RETREG3: variants seen among roughly 807,000 people sequenced by gnomAD.
RETREG3 encodes reticulophagy regulator 3.
In RETREG3, 23 loss-of-function variants were observed where a neutral mutation model predicts 50.2. That is an observed-to-expected ratio of 0.46 (90% CI 0.33 to 0.65). RETREG3 has a LOEUF of 0.65. RETREG3 is among the 30% of genes least tolerant of loss of function. The pLI is 0.02. For missense variants in RETREG3, 546 were observed against 598.0 expected, an observed-to-expected ratio of 0.91 and a Z score of 0.91; for synonymous variants, 240 against 234.4, an observed-to-expected ratio of 1.02 and a Z score of -0.22.
chr17:42,593,436 T>C (rs1597737110), intron 1 of RETREG3, among the ~76,000 whole-genome samples: 1 of 151,498 alleles, frequency 6.6e-6, no homozygotes, highest in Non-Finnish European at 1.5e-5. Flanking sequence ...GATCTTGAGG[T>C]CAGGAGATCG....
At chr17:42,597,613 ATATATATTTTTTTTTTTT>A (rs1567925531) in intron 1 of RETREG3, among the ~76,000 whole-genome samples, 16,907 of 53,504 alleles carry the variant, frequency 0.32, 2,330 homozygotes, top group Admixed American at 0.41. Flanking sequence ...ATATATATAT[ATATATATTTTTTTTTTTT>A]TTTTTTTTTT....
chr17:42,601,489 C>T (rs2093158333), intron 1 of RETREG3, among the ~76,000 whole-genome samples: 4 of 147,962 alleles, frequency 2.7e-5, no homozygotes, highest in South Asian at 2.2e-4. Context: ...AGGAGAATGG[C>T]GTGAACCTGA....
intron 3 of RETREG3, 123 bp downstream of exon 3, chr17:42,587,711 T>G: frequency 8.5e-7 from 1 of 1,179,974 alleles, no homozygotes; most frequent in Non-Finnish European, 1.3e-6. Context: ...AATGATCATT[T>G]GGAACAGCCT....
At chr17:42,596,395 A>G (rs1348959462) in intron 1 of RETREG3, 17 of 114,736 alleles carry the variant, frequency 1.5e-4, no homozygotes, top group African/African-American at 5.1e-4. Context: ...AAAAAAAAAA[A>G]AAAAGAAATA....
At chr17:42,601,693 C>CG (rs2093159016) in intron 1 of RETREG3, among the ~76,000 whole-genome samples, 1 of 115,820 alleles carries the variant, frequency 8.6e-6, no homozygotes, top group South Asian at 3.2e-4. Flanking sequence ...AGTGCAGTGG[C>CG]GCGATCTCGG....
At chr17:42,585,439 G>A (rs1216985401) in intron 5 of RETREG3, among the ~76,000 whole-genome samples, 177 bp from the exon 6 acceptor site, 1 of 152,222 alleles carries the variant, frequency 6.6e-6, no homozygotes, top group East Asian at 1.9e-4. Context: ...TTTGAGGGCA[G>A]GGACTTCTAC....
At chr17:42,603,617 G>A (rs533691980) in intron 1 of RETREG3, among the ~76,000 whole-genome samples, 2 of 152,230 alleles carry the variant, frequency 1.3e-5, no homozygotes, top group East Asian at 1.9e-4. Context: ...GAGTCTTCTC[G>A]GCTCACAAAG....
intron 2 of RETREG3, 91 bp downstream of exon 2, chr17:42,591,965 T>C: frequency 8.8e-7 from 1 of 1,132,252 alleles, no homozygotes; most frequent in Non-Finnish European, 1.3e-6. Context: ...CCCAGCTCCA[T>C]ACACCTCCTC....
chr17:42,582,558 C>A, intron 8 of RETREG3, 116 bp downstream of exon 8: 1 of 1,483,342 alleles, frequency 6.7e-7, no homozygotes, highest in Non-Finnish European at 9.1e-7. Context: ...TGCTCTGCCG[C>A]CTGATCCATA....
rs758386858 is a variant in RETREG3, at chr17:42,582,302, C to G, written c.944-32G>C. ...GAATACAGAAGTGTCTGAGTCATGG[C>G]ACCTACCTGGCCCTCCTGTGCCCCA... On this transcript the variant is annotated intron_variant, in intron 8 of 8. Transcript: ENST00000309428. 4 of 1,570,428 alleles carry G rather than the reference C, an allele frequency of 2.5e-6. No homozygotes were observed. The East Asian group carries it at 9.0e-5, about 35-fold the overall frequency.
At chr17:42,586,927 G>T (rs1374722971) in intron 3 of RETREG3, 36 bp from the exon 4 acceptor site, 2 of 1,608,244 alleles carry the variant, frequency 1.2e-6, no homozygotes, top group Admixed American at 3.4e-5. Flanking sequence ...TGAAAGGAGG[G>T]TGTTGAGGGT....
At chr17:42,607,291 G>C (rs1485242996) in intron 1 of RETREG3, among the ~76,000 whole-genome samples, 1 of 151,634 alleles carries the variant, frequency 6.6e-6, no homozygotes, top group Non-Finnish European at 1.5e-5. Context: ...CAGAGCCTAG[G>C]AGTTCGAGAC....
At chr17:42,595,431 T>G (rs1178682762) in intron 1 of RETREG3, among the ~76,000 whole-genome samples, 1 of 151,484 alleles carries the variant, frequency 6.6e-6, no homozygotes, top group African/African-American at 2.4e-5. Flanking sequence ...AGTCTTGCTC[T>G]TGTGACCCAG....
At position 42,585,133 on chromosome 17, in the gene RETREG3, T is replaced by G. The variant is rs2093118719; in HGVS notation, c.719A>C (p.Glu240Ala). The G allele has an allele frequency of 6.2e-7, 1 of 1,613,156 alleles. No individual in the cohort carries two copies. Among genetic ancestry groups the G allele is most frequent in the Non-Finnish European group, 8.5e-7 (1 of 1,180,002 alleles). ...VRGYMMSKQR[E>A]RQLRRRALHP... ...GACACCATGACACTTACATTGTCTC[T>G]CTCTCTGCTTGGACATCATGTAGCC... The change falls in exon 6 of 9, where the codon GAG becomes GCG. Residue 240 changes from glutamate (E) to alanine (A), a missense_variant. Transcript: ENST00000309428.
intron 3 of RETREG3, among the ~76,000 whole-genome samples, chr17:42,587,131 G>T (rs900211039): frequency 6.6e-6 from 1 of 152,196 alleles, no homozygotes; most frequent in Non-Finnish European, 1.5e-5. Flanking sequence ...CAATCCACGT[G>T]TGTAAACCTG....
At chr17:42,589,502 G>A (rs1218435152) in intron 2 of RETREG3, among the ~76,000 whole-genome samples, 3 of 152,112 alleles carry the variant, frequency 2.0e-5, no homozygotes, top group African/African-American at 7.2e-5. Flanking sequence ...GTGCGATCAC[G>A]GCTCACTGCA....
intron 1 of RETREG3, among the ~76,000 whole-genome samples, chr17:42,596,933 C>T (rs1038637421): frequency 1.3e-5 from 2 of 149,572 alleles, no homozygotes; most frequent in African/African-American, 4.9e-5. Context: ...AGTGCAATGG[C>T]GCCATCTTGG....
intron 4 of RETREG3, 111 bp downstream of exon 4, chr17:42,586,654 A>G (rs1407026648): frequency 3.0e-5 from 43 of 1,439,332 alleles, no homozygotes; most frequent in Non-Finnish European, 3.6e-5. Context: ...CTCTATGAAC[A>G]TCATAGTCTT....
At position 42,585,990 on chromosome 17, in the gene RETREG3, T is replaced by C; in HGVS notation, c.589+63A>G. On this transcript the variant is annotated intron_variant, in intron 5 of 8. Transcript: ENST00000309428. Reference sequence around the variant, plus strand: ...ACAGTCCTCTCCCCACACCTAGAGTTAGCCATAGTTGGAAAGCTATGAGCA... The same window carrying C: ...ACAGTCCTCTCCCCACACCTAGAGTCAGCCATAGTTGGAAAGCTATGAGCA... 4.7e-6 allele frequency: 7 copies of C among 1,481,146 alleles called. No homozygotes were observed. In the South Asian group the frequency reaches 6.8e-5, roughly 14 times the overall value. The allele number at this position is 1,481,146 out of a possible 1,614,324, so 91.8% of individuals were successfully genotyped here.
Sources: gnomAD v4.1 joint callset for allele counts (sites outside exome capture counted in the v4.1 genomes callset) on GRCh38, gnomAD v4.1.1 for gene constraint, MANE v1.5 for transcripts, NCBI Gene and HGNC (gene_info 2026-07-23, HGNC 2026-07-21) for gene names.